The following SPEN variants were observed in gnomAD, a reference collection of about 807,000 sequenced individuals.
SPEN encodes the protein msx2-interacting protein.
SPEN carries 18 observed loss-of-function variants against 269.9 expected under a neutral mutation model. The ratio of observed to expected loss-of-function variants is 0.07; its 90% confidence interval spans 0.05 to 0.10. The LOEUF (loss-of-function observed/expected upper bound fraction) is 0.10, where lower values mean the gene tolerates loss of function less well. Among genes scored for constraint, SPEN ranks in the 10% least tolerant of loss-of-function variants. The pLI is 1.00. For synonymous variants in SPEN, 1,726 were observed against 1,765.7 expected, an observed-to-expected ratio of 0.98 and a Z score of 0.56; for missense variants, 3,822 against 4,631.2, an observed-to-expected ratio of 0.83 and a Z score of 5.07.
chr1:15,899,057 A>C (rs1353276108), intron 3 of SPEN, among the ~76,000 whole-genome samples: 3 of 152,132 alleles, frequency 2.0e-5, no homozygotes, highest in Non-Finnish European at 4.4e-5. Flanking sequence ...CCATAGTGGA[A>C]TCGCTGGTTC....
chr1:15,886,947 G>A (rs1165376837), intron 3 of SPEN, among the ~76,000 whole-genome samples: 1 of 152,168 alleles, frequency 6.6e-6, no homozygotes. Flanking sequence ...GACATGACAT[G>A]ATGTCTTGTG....
intron 1 of SPEN, among the ~76,000 whole-genome samples, chr1:15,863,953 T>G (rs1342640468): frequency 6.6e-6 from 1 of 152,146 alleles, no homozygotes; most frequent in Non-Finnish European, 1.5e-5. Flanking sequence ...ATAAACAGAA[T>G]GCACTTATCA....
chr1:15,932,209 C>T lies in SPEN; in HGVS notation c.5969C>T (p.Ala1990Val). 2.5e-6 allele frequency: 4 copies of T among 1,612,850 alleles called. No individual in the cohort carries two copies. Among genetic ancestry groups the T allele is most frequent in the Non-Finnish European group, 3.4e-6 (4 of 1,179,634 alleles). ...CGGTCGCCAAGGTCCCAGAAAACTG[C>T]AGCTGGTGGTGGACCCCAAGGGAAA... ...GWRSPRSQKTAAGGGPQGKKG... is the reference protein window; with the variant it reads ...GWRSPRSQKTVAGGGPQGKKG... Residue 1990 changes from alanine to valine, a missense_variant, in exon 11 of 15, where the codon GCA becomes GTA. By Grantham distance (64) the Ala-to-Val change is moderately conservative. Coordinates refer to ENST00000375759, the MANE Select transcript of SPEN (RefSeq NM_015001.3). This position sits in a 1 kb window ranked among gnomAD's most constrained non-coding sequence, Gnocchi z 4.2.
intron 3 of SPEN, among the ~76,000 whole-genome samples, chr1:15,899,794 T>C (rs1037089122): frequency 1.3e-5 from 2 of 152,004 alleles, no homozygotes; most frequent in African/African-American, 4.8e-5. Flanking sequence ...AGGTTGCTTT[T>C]TGTTGTTGAG....
intron 1 of SPEN, among the ~76,000 whole-genome samples, chr1:15,856,702 GAATT>G (rs1216454702): frequency 6.6e-6 from 1 of 151,062 alleles, no homozygotes; most frequent in Non-Finnish European, 1.5e-5. Context: ...CGAGTAACTG[GAATT>G]ACAGGCGCCC....
intron 3 of SPEN, among the ~76,000 whole-genome samples, chr1:15,907,390 C>G (rs955476887): frequency 6.6e-6 from 1 of 152,060 alleles, no homozygotes; most frequent in Non-Finnish European, 1.5e-5. Context: ...GCACGAGAAT[C>G]ACTTGAACCC....
rs1310807352 is a variant in SPEN at position 15,935,348 on chromosome 1, C to G, written c.9108C>G (p.Phe3036Leu). Residue 3036 changes from phenylalanine to leucine, a missense_variant, in exon 11 of 15, where the codon TTC becomes TTG. Phe to Leu is a conservative substitution (Grantham distance 22). Coordinates refer to ENST00000375759, the MANE Select transcript of SPEN (RefSeq NM_015001.3). The surrounding 1 kb of genome is among the most constrained non-coding windows in gnomAD (Gnocchi z 7.7). ...CAAGTGGACCCGGGCCATCCTCATT[C>G]CCAAGGGCAAGCCACCCCAGCAGTA... ...PRPSGPGPSS[F>L]PRASHPSSTA... 3.1e-6 allele frequency: 5 copies of G among 1,614,012 alleles called. No homozygotes were observed. The highest frequency in any genetic ancestry group is 4.2e-6 in the Non-Finnish European group (5 of 1,180,020).
intron 3 of SPEN, among the ~76,000 whole-genome samples, chr1:15,895,769 C>T (rs1033517645): frequency 1.3e-5 from 2 of 151,302 alleles, no homozygotes; most frequent in Non-Finnish European, 2.9e-5. Context: ...CAACCTCTGC[C>T]TCCCAGGTTC....
At chr1:15,909,240 A>G in intron 3 of SPEN, 81 bp from the exon 4 acceptor site, 1 of 1,449,656 alleles carries the variant, frequency 6.9e-7, no homozygotes, top group Non-Finnish European at 9.4e-7. Context: ...TAGACCTATT[A>G]GTTATTTTAA....
chr1:15,922,009 C>T (rs977189971), intron 9 of SPEN, among the ~76,000 whole-genome samples: 1 of 152,186 alleles, frequency 6.6e-6, no homozygotes, highest in African/African-American at 2.4e-5. Flanking sequence ...GCTTTTTTCA[C>T]TCCTTCACAA....
chr1:15,874,896 A>C (rs547964702), intron 2 of SPEN, among the ~76,000 whole-genome samples: 1 of 152,216 alleles, frequency 6.6e-6, no homozygotes, highest in Non-Finnish European at 1.5e-5. Flanking sequence ...TGGGGTTGCT[A>C]CTAAGTGAAA....
chr1:15,890,879 G>T (rs545642279), intron 3 of SPEN, among the ~76,000 whole-genome samples: 2 of 152,248 alleles, frequency 1.3e-5, no homozygotes, highest in South Asian at 4.2e-4. Flanking sequence ...GCGGTCTTTT[G>T]TGACTGGTTT....
chr1:15,854,544 A>G (rs112122092), intron 1 of SPEN, among the ~76,000 whole-genome samples: 5,293 of 151,882 alleles, frequency 0.035, 299 homozygotes, highest in African/African-American at 0.12. Flanking sequence ...CTGGAGTGCA[A>G]TGGTGCTATC....
Position 15,928,038 on chromosome 1 carries a change from T to A in SPEN, c.1851-53T>A. ...TTCTGATTTCATATGTATGATTTTATGCATAAGTGATGAGGAAACAAAAGA... is the reference window on the plus strand; with the variant it reads ...TTCTGATTTCATATGTATGATTTTAAGCATAAGTGATGAGGAAACAAAAGA... On this transcript the variant is annotated intron_variant, in intron 10 of 14. Transcript: ENST00000375759. This position sits in a 1 kb window ranked among gnomAD's most constrained non-coding sequence, Gnocchi z 5.7. 1 of 1,442,652 alleles carries A rather than the reference T, an allele frequency of 6.9e-7. No homozygotes were observed. The highest frequency in any genetic ancestry group is 9.4e-7 in the Non-Finnish European group (1 of 1,062,700). 89.4% of individuals were successfully genotyped at this position (1,442,652 alleles called of 1,614,324 possible). A position where few individuals can be genotyped will look rare whatever the true frequency, so the allele number is the denominator to read the frequency against.
chr1:15,889,565 T>C (rs1386486438), intron 3 of SPEN, among the ~76,000 whole-genome samples: 1 of 152,184 alleles, frequency 6.6e-6, no homozygotes, highest in Non-Finnish European at 1.5e-5. Context: ...CTGAATTGGC[T>C]TCAAAGGGTA....
At chr1:15,904,203 C>T (rs948080089) in intron 3 of SPEN, among the ~76,000 whole-genome samples, 27 of 151,982 alleles carry the variant, frequency 1.8e-4, no homozygotes, top group African/African-American at 6.0e-4. Flanking sequence ...CGAGGCCGAG[C>T]GCGGTGGCTT....
chr1:15,848,414 G>C lies in SPEN; in HGVS notation c.83+264G>C, dbSNP rs2070298174. Reference sequence around the variant, plus strand: ...GTCCGTGACGAGGGAGGTGACCGAGGCTCGGCCTCCACGCAGCCGGCGCCC... The same window carrying C: ...GTCCGTGACGAGGGAGGTGACCGAGCCTCGGCCTCCACGCAGCCGGCGCCC... On this transcript the variant is annotated intron_variant, in intron 1 of 14. Coordinates refer to ENST00000375759, the MANE Select transcript of SPEN (RefSeq NM_015001.3). This position sits in a 1 kb window ranked among gnomAD's most constrained non-coding sequence, Gnocchi z 5.1. Among the ~76,000 whole-genome samples, 1 of 151,556 alleles carries C rather than the reference G, an allele frequency of 6.6e-6. No homozygotes were observed. Among genetic ancestry groups the C allele is most frequent in the South Asian group, 2.1e-4 (1 of 4,830 alleles).
chr1:15,910,127 A>T (rs1174232578), intron 4 of SPEN, among the ~76,000 whole-genome samples: 1 of 126,244 alleles, frequency 7.9e-6, no homozygotes, highest in Non-Finnish European at 1.6e-5. Flanking sequence ...CTGTCTCTAA[A>T]AAAAAAAAAA....
rs1281098369 is a variant in SPEN at position 15,930,455 on chromosome 1, T to G, written c.4215T>G (p.Ser1405=). The G allele has an allele frequency of 1.7e-5, 27 of 1,614,074 alleles. No individual in the cohort carries two copies. The highest frequency in any genetic ancestry group is 2.3e-5 in the Non-Finnish European group (27 of 1,180,040). ...ASALYESSRL[S]FLLRDREDKL... ...CATTATATGAAAGTTCTCGATTGTC[T>G]TTTTTATTGAGGGACAGAGAAGACA... Residue 1405 remains serine (S), a synonymous_variant, in exon 11 of 15, where the codon TCT becomes TCG. Transcript: ENST00000375759. The surrounding 1 kb of genome is among the most constrained non-coding windows in gnomAD (Gnocchi z 5.3).
Sources: allele counts gnomAD v4.1 joint callset (sites outside exome capture counted in the v4.1 genomes callset), GRCh38; gene constraint gnomAD v4.1.1; non-coding constraint Gnocchi (gnomAD v3.1); transcripts MANE v1.5; gene names NCBI Gene and HGNC (gene_info 2026-07-23, HGNC 2026-07-21).